The following SGCZ variants were observed in gnomAD, a reference collection of about 807,000 sequenced individuals.
SGCZ encodes zeta-sarcoglycan.
Under a neutral mutation model 41.3 loss-of-function variants are expected in SGCZ, and 40 were observed. The ratio of observed to expected loss-of-function variants is 0.97; its 90% CI spans 0.75 to 1.26. The LOEUF (loss-of-function observed/expected upper bound fraction) is 1.26. SGCZ is among the 50% of genes most tolerant of loss of function. The pLI is 0.00. For missense variants in SGCZ, 552 were observed against 369.8 expected, an observed-to-expected ratio of 1.49 and a Z score of -4.04; for synonymous variants, 206 against 137.5, an observed-to-expected ratio of 1.50 and a Z score of -3.49.
At chr8:14,882,479 G>A (rs193008650) in intron 1 of SGCZ, among the ~76,000 whole-genome samples, 39 of 152,052 alleles carry the variant, frequency 2.6e-4, no homozygotes, top group Non-Finnish European at 4.3e-4. Flanking sequence ...AGTGAATATC[G>A]TTGGTACTGT....
At chr8:14,677,725 C>A (rs975094052) in intron 1 of SGCZ, among the ~76,000 whole-genome samples, 2 of 151,982 alleles carry the variant, frequency 1.3e-5, no homozygotes, top group African/African-American at 4.8e-5. Context: ...GAGCCAAGAT[C>A]GCACAAGTAA....
intron 1 of SGCZ, among the ~76,000 whole-genome samples, chr8:15,082,016 G>A (rs913334887): frequency 1.3e-5 from 2 of 151,998 alleles, no homozygotes; most frequent in Non-Finnish European, 2.9e-5. Flanking sequence ...ATTTTCTTAA[G>A]AATAAGAACT....
chr8:14,843,729 G>A (rs1280130821), intron 1 of SGCZ, among the ~76,000 whole-genome samples: 1 of 152,030 alleles, frequency 6.6e-6, no homozygotes, highest in African/African-American at 2.4e-5. Context: ...AATAAACGTG[G>A]TCTTTATAAA....
At chr8:15,039,075 C>G (rs954197669) in intron 1 of SGCZ, among the ~76,000 whole-genome samples, 1 of 151,938 alleles carries the variant, frequency 6.6e-6, no homozygotes, top group Non-Finnish European at 1.5e-5. Flanking sequence ...TATGGAGGTC[C>G]CTCAGACAAG....
At chr8:15,090,261 T>C (rs911977727) in intron 1 of SGCZ, among the ~76,000 whole-genome samples, 1 of 152,186 alleles carries the variant, frequency 6.6e-6, no homozygotes, top group African/African-American at 2.4e-5. Flanking sequence ...GTAGTAAAGG[T>C]AAACAAAAAA....
intron 1 of SGCZ, among the ~76,000 whole-genome samples, chr8:14,812,671 A>G (rs1454916275): frequency 6.6e-6 from 1 of 152,140 alleles, no homozygotes; most frequent in African/African-American, 2.4e-5. Flanking sequence ...ATTCTTGCGC[A>G]TTATAACTGA....
At chr8:14,998,879 G>T (rs1400715890) in intron 1 of SGCZ, among the ~76,000 whole-genome samples, 1 of 152,126 alleles carries the variant, frequency 6.6e-6, no homozygotes, top group East Asian at 1.9e-4. Context: ...TATTGATATG[G>T]GTTACTGAGC....
At chr8:15,037,077 A>C (rs890501493) in intron 1 of SGCZ, among the ~76,000 whole-genome samples, 1 of 152,178 alleles carries the variant, frequency 6.6e-6, no homozygotes, top group Non-Finnish European at 1.5e-5. Context: ...TAATTTGGCA[A>C]AGAAGAAATA....
At chr8:14,315,492 A>G (rs1801685375) in intron 3 of SGCZ, among the ~76,000 whole-genome samples, 1 of 152,106 alleles carries the variant, frequency 6.6e-6, no homozygotes, top group Non-Finnish European at 1.5e-5. Context: ...GGATAAGGAT[A>G]AAAAACAGTC....
intron 1 of SGCZ, among the ~76,000 whole-genome samples, chr8:14,968,303 G>C (rs892794532): frequency 6.6e-6 from 1 of 152,046 alleles, no homozygotes; most frequent in Non-Finnish European, 1.5e-5. Context: ...AAAATCACTT[G>C]AACAGACCCT....
At chr8:15,154,989 A>G (rs1869576) in intron 1 of SGCZ, among the ~76,000 whole-genome samples, 50,185 of 152,112 alleles carry the variant, frequency 0.33, 10,563 homozygotes, top group Non-Finnish European at 0.45. Context: ...AATATTCCCA[A>G]CACCAAGAAA....
chr8:14,840,643 T>A (rs1172716765), intron 1 of SGCZ, among the ~76,000 whole-genome samples: 2 of 152,114 alleles, frequency 1.3e-5, no homozygotes, highest in African/African-American at 2.4e-5. Context: ...TCTAACTATC[T>A]TAACTTAGAA....
intron 2 of SGCZ, among the ~76,000 whole-genome samples, chr8:14,330,711 T>G (rs1259728879): frequency 1.5e-4 from 23 of 152,040 alleles, no homozygotes; most frequent in Admixed American, 1.5e-3. Context: ...TTGAGTTACC[T>G]GAAATTAGAG....
chr8:14,247,352 C>A (rs753288592), intron 3 of SGCZ, among the ~76,000 whole-genome samples: 3 of 152,128 alleles, frequency 2.0e-5, no homozygotes, highest in Admixed American at 6.5e-5. Flanking sequence ...ACCGATAATA[C>A]GGATGGTATT....
At chr8:14,889,948 G>A (rs1804949346) in intron 1 of SGCZ, among the ~76,000 whole-genome samples, 2 of 152,182 alleles carry the variant, frequency 1.3e-5, no homozygotes, top group South Asian at 4.1e-4. Context: ...CCTGTTGAAA[G>A]CAGGCCTAAA....
chr8:14,195,623 A>G (rs973510959), intron 4 of SGCZ, among the ~76,000 whole-genome samples: 6 of 152,180 alleles, frequency 3.9e-5, no homozygotes, highest in African/African-American at 1.4e-4. Context: ...GCTGAAAATC[A>G]GTGATGGAGT....
chr8:15,107,646 AC>A (rs1806882357), intron 1 of SGCZ, among the ~76,000 whole-genome samples: 3 of 151,842 alleles, frequency 2.0e-5, no homozygotes, highest in Admixed American at 2.0e-4. Flanking sequence ...AACTACATAA[AC>A]CTTTTTTTTG....
chr8:14,861,294 G>C (rs1219573810), intron 1 of SGCZ, among the ~76,000 whole-genome samples: 2 of 152,158 alleles, frequency 1.3e-5, no homozygotes, highest in African/African-American at 4.8e-5. Context: ...CATGGAAAGA[G>C]TCCCTTCTTA....
chr8:14,252,490 G>T (rs896305566), intron 3 of SGCZ, among the ~76,000 whole-genome samples: 3 of 151,904 alleles, frequency 2.0e-5, no homozygotes, highest in African/African-American at 7.3e-5. Context: ...AATTGTTTCT[G>T]TTAAATTTCA....
Sources: gnomAD v4.1 joint callset for allele counts (sites outside exome capture counted in the v4.1 genomes callset) on GRCh38, gnomAD v4.1.1 for gene constraint, MANE v1.5 for transcripts, NCBI Gene and HGNC (gene_info 2026-07-23, HGNC 2026-07-21) for gene names.